CREB5: variants seen among roughly 807,000 people sequenced by gnomAD.
CREB5 encodes cyclic AMP-responsive element-binding protein 5.
A neutral mutation model predicts 57.1 loss-of-function variants in CREB5; 19 were observed. That is an observed-to-expected ratio of 0.33 (90% CI 0.23 to 0.49). The LOEUF (loss-of-function observed/expected upper bound fraction) is 0.49. CREB5 is among the 20% of genes least tolerant of loss of function. The probability of loss-of-function intolerance (pLI) is 0.99; values close to 1 mark genes in which losing one functional copy is unlikely to be tolerated. For missense variants in CREB5, 579 were observed against 671.6 expected, an observed-to-expected ratio of 0.86 and a Z score of 1.52; for synonymous variants, 238 against 238.3, an observed-to-expected ratio of 1.00 and a Z score of 0.01.
At chr7:28,450,255 A>G (rs970334432) in intron 1 of CREB5, among the ~76,000 whole-genome samples, 1 of 152,236 alleles carries the variant, frequency 6.6e-6, no homozygotes, top group Admixed American at 6.5e-5. Flanking sequence ...AATAATAAAA[A>G]GCCCGAGGGT....
chr7:28,704,249 G>A (rs1271360726), intron 5 of CREB5, among the ~76,000 whole-genome samples: 1 of 152,164 alleles, frequency 6.6e-6, no homozygotes, highest in Non-Finnish European at 1.5e-5. Context: ...TCATATGTGA[G>A]AAGAAATGAC....
In CREB5 at chr7:28,642,987, T is replaced by TACACACATACACACACACACAC. The variant is rs1562544746; in HGVS notation, c.464+72457_464+72458insTACACACACACACACACACACA. On this transcript the variant is annotated intron_variant, in intron 5 of 10. Transcript: ENST00000357727. ...ACACACACACACACACACACACACA[T>TACACACATACACACACACACAC]ACACACACACACACACACACACACA... Among the ~76,000 whole-genome samples, 27 of 98,392 alleles carry TACACACATACACACACACACAC rather than the reference T, an allele frequency of 2.7e-4. 1 individual carries two copies. Among genetic ancestry groups the TACACACATACACACACACACAC allele is most frequent in the African/African-American group, 6.2e-4 (17 of 27,584 alleles). 64.5% of individuals were successfully genotyped at this position (98,392 alleles called of 152,430 possible).
Position 28,816,057 on chromosome 7 carries a change from A to G in CREB5, c.1255-2014A>G, listed in dbSNP as rs199791038. On this transcript the variant is annotated intron_variant, in intron 9 of 10. Coordinates refer to ENST00000357727, the MANE Select transcript of CREB5 (RefSeq NM_182898.4). ...TTCCTTCTGAAGCAAATATATACGC[A>G]CACACACACACACACACACACACAC... Among the ~76,000 whole-genome samples, 146 of 140,722 alleles carry G rather than the reference A, an allele frequency of 1.0e-3. 1 individual carries two copies. Among genetic ancestry groups the G allele is most frequent in the East Asian group, 2.4e-3 (12 of 4,992 alleles). The allele number at this position is 140,722 out of a possible 152,430, so 92.3% of individuals were successfully genotyped here.
chr7:28,601,157 CTTATTA>C (rs1340346561), intron 5 of CREB5, among the ~76,000 whole-genome samples: 2 of 151,240 alleles, frequency 1.3e-5, no homozygotes, highest in South Asian at 2.1e-4. Flanking sequence ...CTTCATTTCC[CTTATTA>C]TTATTATTTT....
chr7:28,794,370 G>A (rs1807904095), intron 7 of CREB5, among the ~76,000 whole-genome samples: 1 of 152,164 alleles, frequency 6.6e-6, no homozygotes, highest in African/African-American at 2.4e-5. Flanking sequence ...ATAGGCCACT[G>A]CTTCAAAGAC....
At chr7:28,801,325 G>GAAA (rs1174436647) in intron 7 of CREB5, among the ~76,000 whole-genome samples, 1 of 152,106 alleles carries the variant, frequency 6.6e-6, no homozygotes, top group Non-Finnish European at 1.5e-5. Flanking sequence ...TTATAGTAAT[G>GAAA]AAATTACAAG....
chr7:28,568,428 C>T (rs980135250), intron 4 of CREB5, among the ~76,000 whole-genome samples: 2 of 152,060 alleles, frequency 1.3e-5, no homozygotes, highest in Non-Finnish European at 1.5e-5. Flanking sequence ...TTCTGACCTC[C>T]TCAAGACCCA....
In CREB5 at chr7:28,648,410, T is replaced by C. The variant is rs539716953; in HGVS notation, c.465-70343T>C. Among the ~76,000 whole-genome samples, 3 of 152,244 alleles carry C rather than the reference T, an allele frequency of 2.0e-5. No homozygotes were observed. In the South Asian group the frequency reaches 6.2e-4, roughly 32 times the overall value. Reference sequence around the variant, plus strand: ...GAACAGGCTGTATTGCCCTCGACGCTGAACCTCTTGAGATATAAAGAGGAA... The same window carrying C: ...GAACAGGCTGTATTGCCCTCGACGCCGAACCTCTTGAGATATAAAGAGGAA... On this transcript the variant is annotated intron_variant, in intron 5 of 10. Coordinates refer to ENST00000357727, the MANE Select transcript of CREB5 (RefSeq NM_182898.4).
chr7:28,560,867 T>TGCGC (rs1294033526), intron 4 of CREB5, among the ~76,000 whole-genome samples: 9 of 22,068 alleles, frequency 4.1e-4, no homozygotes, highest in Middle Eastern at 0.024. Context: ...TGCGTGTGCC[T>TGCGC]GCGTGCGCGT....
intron 1 of CREB5, among the ~76,000 whole-genome samples, chr7:28,441,691 A>G (rs991043001): frequency 6.6e-6 from 1 of 152,220 alleles, no homozygotes; most frequent in Non-Finnish European, 1.5e-5. Context: ...TCATAGCACC[A>G]GGTGAACTGG....
chr7:28,433,471 A>G (rs964465501), intron 1 of CREB5, among the ~76,000 whole-genome samples: 8 of 152,120 alleles, frequency 5.3e-5, no homozygotes, highest in African/African-American at 1.9e-4. Flanking sequence ...TTTTTCTCTC[A>G]GAGTATTAAT....
At chr7:28,493,148 G>A (rs972220806) in intron 2 of CREB5, among the ~76,000 whole-genome samples, 1 of 152,160 alleles carries the variant, frequency 6.6e-6, no homozygotes, top group Non-Finnish European at 1.5e-5. Flanking sequence ...CATGCCATTT[G>A]CAGAAAACAT....
chr7:28,703,084 C>T (rs1801945641), intron 5 of CREB5, among the ~76,000 whole-genome samples: 1 of 152,140 alleles, frequency 6.6e-6, no homozygotes, highest in African/African-American at 2.4e-5. Context: ...GAAAATCATG[C>T]AAGAATGTTG....
intron 7 of CREB5, among the ~76,000 whole-genome samples, chr7:28,766,100 G>A (rs1260919533): frequency 1.3e-5 from 2 of 151,598 alleles, no homozygotes; most frequent in Non-Finnish European, 2.9e-5. Flanking sequence ...AAAAAAATGA[G>A]ATAATATTTG....
intron 5 of CREB5, among the ~76,000 whole-genome samples, chr7:28,680,162 A>G (rs1339221884): frequency 6.6e-6 from 1 of 152,134 alleles, no homozygotes; most frequent in Non-Finnish European, 1.5e-5. Flanking sequence ...TTTGCACCCT[A>G]GGCACCTCAC....
At position 28,495,802 on chromosome 7, in the gene CREB5, T is replaced by C. The variant is rs184930571; in HGVS notation, c.169+803T>C. On this transcript the variant is annotated intron_variant, in intron 3 of 10. Transcript: ENST00000357727. ...GAGCTCTCTTTCTGGATTGAGATGG[T>C]CAGTGAAGGTGTCCTTAGGAAACAA... is the stretch of plus-strand genomic sequence containing the variant. Among the ~76,000 whole-genome samples the C allele has an allele frequency of 2.7e-4, 41 of 152,324 alleles. No individual in the cohort carries two copies. In the East Asian group the frequency reaches 7.3e-3, roughly 27 times the overall value.
At chr7:28,368,704 A>T (rs1395714886) in intron 1 of CREB5, among the ~76,000 whole-genome samples, 1 of 152,208 alleles carries the variant, frequency 6.6e-6, no homozygotes, top group Non-Finnish European at 1.5e-5. Context: ...CCCTGACCAC[A>T]TGCTAGCTCA....
chr7:28,402,572 G>T (rs1031747057), intron 1 of CREB5, among the ~76,000 whole-genome samples: 1 of 152,180 alleles, frequency 6.6e-6, no homozygotes, highest in South Asian at 2.1e-4. Context: ...AAGCAATGGG[G>T]AAAGGATTCC....
intron 7 of CREB5, among the ~76,000 whole-genome samples, chr7:28,736,170 T>C (rs1274033436): frequency 1.3e-5 from 2 of 151,998 alleles, no homozygotes; most frequent in Non-Finnish European, 2.9e-5. Flanking sequence ...TTTTGTTTGT[T>C]TGTTTTGTTT....
Sources: allele counts gnomAD v4.1 joint callset (sites outside exome capture counted in the v4.1 genomes callset), GRCh38; gene constraint gnomAD v4.1.1; transcripts MANE v1.5; gene names NCBI Gene and HGNC (gene_info 2026-07-23, HGNC 2026-07-21).